IGF2: variants seen among roughly 807,000 people sequenced by gnomAD.
IGF2 encodes insulin-like growth factor 2.
IGF2 carries 2 observed loss-of-function variants against 12.0 expected under a neutral mutation model. That is an observed-to-expected ratio of 0.17 (90% confidence interval 0.07 to 0.52). The LOEUF is 0.52. Ranked by LOEUF, IGF2 falls within the 20% of genes least tolerant of loss-of-function variation. The pLI is 0.95. For synonymous variants in IGF2, 105 were observed against 110.1 expected, an observed-to-expected ratio of 0.95 and a Z score of 0.29; for missense variants, 211 against 268.0, an observed-to-expected ratio of 0.79 and a Z score of 1.48.
chr11:2,130,374 G>T lies in IGF2; in HGVS notation c.*2613C>A. The T allele has an allele frequency of 4.4e-6, 1 of 228,692 alleles. No individual in the cohort carries two copies. Among genetic ancestry groups the T allele is most frequent in the Non-Finnish European group, 8.7e-6 (1 of 115,252 alleles). 14.2% of individuals were successfully genotyped at this position (228,692 alleles called of 1,614,324 possible). ...TCTCCAAGGGGGCTCAGTGGCCAGT[G>T]CCCCCCAGGAGGCTCCACCCTCAAC... On this transcript the variant is annotated 3_prime_UTR_variant, in exon 4 of 4. Coordinates refer to ENST00000416167, the MANE Select transcript of IGF2 (RefSeq NM_000612.6).
At chr11:2,137,031 A>G (rs1479925196) in intron 1 of IGF2, among the ~76,000 whole-genome samples, 1 of 150,414 alleles carries the variant, frequency 6.6e-6, no homozygotes, top group Non-Finnish European at 1.5e-5. Context: ...AGGTGGGGGC[A>G]GGGGCAGAGG....
chr11:2,133,787 C>G lies in IGF2; in HGVS notation c.158-122G>C. ...CAGGCCCTGGAAGGACGCAGCCACC[C>G]TGCGGGTCAGGGGAGGGAAGTGAGA... is the stretch of plus-strand genomic sequence containing the variant. On this transcript the variant is annotated intron_variant, in intron 2 of 3. Coordinates refer to ENST00000416167, the MANE Select transcript of IGF2 (RefSeq NM_000612.6). This position sits in a 1 kb window ranked among gnomAD's most constrained non-coding sequence, Gnocchi z 8.9. 1 of 1,233,016 alleles carries G rather than the reference C, an allele frequency of 8.1e-7. No homozygotes were observed. The highest frequency in any genetic ancestry group is 2.6e-5 in the East Asian group (1 of 38,040). 76.4% of individuals were successfully genotyped at this position (1,233,016 alleles called of 1,614,324 possible). A position where few individuals can be genotyped will look rare whatever the true frequency, so the allele number is the denominator to read the frequency against.
At position 2,133,652 on chromosome 11, in the gene IGF2, G is replaced by A. The variant is rs2133585260; in HGVS notation, c.171C>T (p.Ser57=). The A allele has an allele frequency of 6.2e-7, 1 of 1,613,010 alleles. No individual in the cohort carries two copies. The highest frequency in any genetic ancestry group is 8.5e-7 in the Non-Finnish European group (1 of 1,179,990). The change falls in exon 3 of 4, where the codon AGC becomes AGT. Residue 57 remains serine (S), a synonymous_variant. Transcript: ENST00000416167. The surrounding 1 kb of genome is among the most constrained non-coding windows in gnomAD (Gnocchi z 8.9). ...TGCCACGGCTGCGACGGCTCACACG[G>A]CTTGCGGGCCTGCCTGGAAGTCCCA... ...DRGFYFSRPA[S]RVSRRSRGIV...
chr11:2,148,043 G>A, the IGF2 span: 3 of 385,852 alleles, frequency 7.8e-6, no homozygotes, highest in South Asian at 1.4e-4. This position sits in a 1 kb window ranked among gnomAD's most constrained non-coding sequence, Gnocchi z 4.3. Flanking sequence ...AGGGCTTCCC[G>A]GTGCTGATGG....
rs1275617418 is a variant in IGF2, at chr11:2,131,887, T to C, written c.*1100A>G. ...TGTGTGTGCGTGTGTGCTGTGCGTT[T>C]GTGTGTGCTGTGCGTTTGTGTGTGT... On this transcript the variant is annotated 3_prime_UTR_variant, in exon 4 of 4. Coordinates refer to ENST00000416167, the MANE Select transcript of IGF2 (RefSeq NM_000612.6). The C allele has an allele frequency of 1.0e-3, 182 of 173,684 alleles. No individual in the cohort carries two copies. Among genetic ancestry groups the C allele is most frequent in the African/African-American group, 5.9e-3 (172 of 29,292 alleles). The allele number at this position is 173,684 out of a possible 1,614,324, so 10.8% of individuals were successfully genotyped here. A position where few individuals can be genotyped will look rare whatever the true frequency, so the allele number is the denominator to read the frequency against.
chr11:2,131,871 G>A lies in IGF2; in HGVS notation c.*1116C>T, dbSNP rs1461152397. On this transcript the variant is annotated 3_prime_UTR_variant, in exon 4 of 4. Coordinates refer to ENST00000416167, the MANE Select transcript of IGF2 (RefSeq NM_000612.6). ...GTGCTCGTGTGTGTGCTGTGTGTGC[G>A]TGTGTGCTGTGCGTTTGTGTGTGCT... is the stretch of plus-strand genomic sequence containing the variant. 1.2e-5 allele frequency: 2 copies of A among 168,026 alleles called. No individual in the cohort carries two copies. Among genetic ancestry groups the A allele is most frequent in the East Asian group, 1.7e-4 (2 of 11,696 alleles). 10.4% of individuals were successfully genotyped at this position (168,026 alleles called of 1,614,324 possible). A position where few individuals can be genotyped will look rare whatever the true frequency, so the allele number is the denominator to read the frequency against.
chr11:2,131,642 T>G lies in IGF2; in HGVS notation c.*1345A>C, dbSNP rs1028053133. On this transcript the variant is annotated 3_prime_UTR_variant, in exon 4 of 4. Transcript: ENST00000416167. ...TGCATGTGTGTGCTGTGTGCTGTGT[T>G]CATGTGTGTGCTGTGTGTGCGTGTG... The G allele has an allele frequency of 1.4e-5, 3 of 210,394 alleles. No homozygotes were observed. The highest frequency in any genetic ancestry group is 2.8e-5 in the Non-Finnish European group (3 of 107,804). The allele number at this position is 210,394 out of a possible 1,614,324, so 13.0% of individuals were successfully genotyped here. A position where few individuals can be genotyped will look rare whatever the true frequency, so the allele number is the denominator to read the frequency against.
At chr11:2,148,932 G>A in the IGF2 span, 61 of 603,840 alleles carry the variant, frequency 1.0e-4, no homozygotes, top group African/African-American at 1.7e-4. The surrounding 1 kb of genome is among the most constrained non-coding windows in gnomAD (Gnocchi z 4.3). Context: ...CTCCACAATG[G>A]CCTTTCCTGC....
At chr11:2,137,233 A>G in intron 1 of IGF2, 1 of 995,922 alleles carries the variant, frequency 1.0e-6, no homozygotes, top group Non-Finnish European at 1.2e-6. Context: ...AGGAGGAGGA[A>G]GAGGAGGAGG....
intron 1 of IGF2, chr11:2,137,218 G>A: frequency 1.1e-6 from 1 of 921,210 alleles, no homozygotes; most frequent in Non-Finnish European, 1.3e-6. Flanking sequence ...CGCTGGGGCA[G>A]GAGGAGGAGG....
chr11:2,134,147 G>T, intron 2 of IGF2: 3 of 514,782 alleles, frequency 5.8e-6, no homozygotes, highest in East Asian at 1.2e-4. Flanking sequence ...AGGAGAAGAC[G>T]GGAGGAGAGG....
In IGF2 at chr11:2,130,068, G is replaced by T; in HGVS notation, c.*2919C>A. The T allele has an allele frequency of 4.3e-6, 1 of 230,020 alleles. No individual in the cohort carries two copies. The highest frequency in any genetic ancestry group is 8.6e-6 in the Non-Finnish European group (1 of 116,076). The allele number at this position is 230,020 out of a possible 1,614,324, so 14.2% of individuals were successfully genotyped here. A position where few individuals can be genotyped will look rare whatever the true frequency, so the allele number is the denominator to read the frequency against. ...GAGACAAGGCAGGGTGCTGAGGGGC[G>T]GGCAAGATGTCACCGAGGGAGAGGG... On this transcript the variant is annotated 3_prime_UTR_variant, in exon 4 of 4. Transcript: ENST00000416167.
rs1161207625 is a variant in IGF2, at chr11:2,131,534, T to A, written c.*1453A>T. On this transcript the variant is annotated 3_prime_UTR_variant, in exon 4 of 4. Coordinates refer to ENST00000416167, the MANE Select transcript of IGF2 (RefSeq NM_000612.6). ...TTCATGTATGTGCTGCGCATGAGTG[T>A]GTGTGCTGTGTGTGCATGTGTGTGC... 2.4e-5 allele frequency: 5 copies of A among 206,512 alleles called. No homozygotes were observed. Among genetic ancestry groups the A allele is most frequent in the Non-Finnish European group, 3.6e-5 (4 of 110,798 alleles). 12.8% of individuals were successfully genotyped at this position (206,512 alleles called of 1,614,324 possible).
chr11:2,132,852 G>A lies in IGF2; in HGVS notation c.*135C>T, dbSNP rs912453779. On this transcript the variant is annotated 3_prime_UTR_variant, in exon 4 of 4. Transcript: ENST00000416167. ...AGCCTGTTTCGGGGAGGCGGGGCACGGGGACTGGGTCAGGAGAAGCCCCAG... is the reference window on the plus strand; with the variant it reads ...AGCCTGTTTCGGGGAGGCGGGGCACAGGGACTGGGTCAGGAGAAGCCCCAG... 39 of 639,854 alleles carry A rather than the reference G, an allele frequency of 6.1e-5. 1 individual carries two copies. Among genetic ancestry groups the A allele is most frequent in the South Asian group, 5.8e-4 (27 of 46,436 alleles). The allele number at this position is 639,854 out of a possible 1,614,324, so 39.6% of individuals were successfully genotyped here.
At chr11:2,141,671 AAGTT>A (rs1468988206), upstream of IGF2, among the ~76,000 whole-genome samples, 2 of 152,162 alleles carry the variant, frequency 1.3e-5, no homozygotes, top group Non-Finnish European at 1.5e-5. Flanking sequence ...TTAAGAATAT[AAGTT>A]AGTGGCCTGG....
At chr11:2,140,868 A>C (rs777252534), upstream of IGF2, 5 of 361,708 alleles carry the variant, frequency 1.4e-5, no homozygotes, top group Admixed American at 3.7e-5. Context: ...GCGAAGCTGG[A>C]GGCTGCGTCC....
chr11:2,137,116 G>C, intron 1 of IGF2: 1 of 545,316 alleles, frequency 1.8e-6, no homozygotes, highest in Non-Finnish European at 2.3e-6. Flanking sequence ...GGCGTGGGCC[G>C]TGCCCCCTGC....
At chr11:2,143,932 G>A (rs1272603167), upstream of IGF2, among the ~76,000 whole-genome samples, 1 of 152,174 alleles carries the variant, frequency 6.6e-6, no homozygotes, top group Non-Finnish European at 1.5e-5. Context: ...GGCGCTGCCG[G>A]GGATTCACCT....
At position 2,133,574 on chromosome 11, in the gene IGF2, G is replaced by A; in HGVS notation, c.249C>T (p.Tyr83=). 1 of 1,613,074 alleles carries A rather than the reference G, an allele frequency of 6.2e-7. No homozygotes were observed. The highest frequency in any genetic ancestry group is 8.5e-7 in the Non-Finnish European group (1 of 1,180,002). ...TCTCGGACTTGGCGGGGGTAGCACA[G>A]TACGTCTCCAGGAGGGCCAGGTCAC... ...RSCDLALLET[Y]CATPAKSERD... The change falls in exon 3 of 4, where the codon TAC becomes TAT. Residue 83 remains tyrosine (Y), a synonymous_variant. Coordinates refer to ENST00000416167, the MANE Select transcript of IGF2 (RefSeq NM_000612.6). This position sits in a 1 kb window ranked among gnomAD's most constrained non-coding sequence, Gnocchi z 8.9.
Sources: gnomAD v4.1 joint callset for allele counts (sites outside exome capture counted in the v4.1 genomes callset) on GRCh38, gnomAD v4.1.1 for gene constraint, Gnocchi (gnomAD v3.1) non-coding constraint, MANE v1.5 for transcripts, NCBI Gene and HGNC (gene_info 2026-07-23, HGNC 2026-07-21) for gene names.